The following ZNF646 variants were observed in gnomAD, a reference collection of about 807,000 sequenced individuals.
ZNF646 encodes zinc finger protein 646.
ZNF646 carries 49 observed loss-of-function variants against 115.4 expected under a neutral mutation model. The ratio of observed to expected loss-of-function variants is 0.42; its 90% confidence interval spans 0.34 to 0.54. The LOEUF (loss-of-function observed/expected upper bound fraction) is 0.54, where lower values mean the gene tolerates loss of function less well. ZNF646 is among the 20% of genes least tolerant of loss of function. ZNF646 has a pLI of 0.04. For missense variants in ZNF646, 2,269 were observed against 2,457.9 expected (o/e 0.92, Z 1.62); for synonymous variants, 933 against 939.0 (o/e 0.99, Z 0.12).
chr16:31,083,859 T>TCCCA lies in ZNF646; in HGVS notation c.*770_*771insACCC. 1.9e-6 allele frequency: 3 copies of TCCCA among 1,590,056 alleles called. No homozygotes were observed. The highest frequency in any genetic ancestry group is 2.6e-6 in the Non-Finnish European group (3 of 1,161,332). Reference sequence around the variant, plus strand: ...GTTGTCCTCATCCTCACGGCTTTGGTCCCTCCCTCCCTCCCCATTCCTCGA... The same window carrying TCCCA: ...GTTGTCCTCATCCTCACGGCTTTGGTCCCACCCTCCCTCCCTCCCCATTCCTCGA... On this transcript the variant is annotated 3_prime_UTR_variant, in exon 3 of 3. Coordinates refer to ENST00000300850, the MANE Select transcript of ZNF646 (RefSeq NM_014699.4).
chr16:31,080,179 G>A lies in ZNF646; in HGVS notation c.3855G>A (p.Gly1285=). The change falls in exon 2 of 3, where the codon GGG becomes GGA. Residue 1285 remains glycine, a synonymous_variant. Transcript: ENST00000300850. ...SHQRVHMERR[G]GGGTRKATRE... is the part of the protein sequence containing the mutation. ...AGCGGGTCCACATGGAACGGCGTGG[G>A]GGTGGGGGCACCCGAAAGGCGACTC... The A allele has an allele frequency of 6.2e-7, 1 of 1,610,274 alleles. No individual in the cohort carries two copies. Among genetic ancestry groups the A allele is most frequent in the South Asian group, 1.1e-5 (1 of 90,964 alleles).
Position 31,080,977 on chromosome 16 carries a change from C to G in ZNF646, c.4653C>G (p.Thr1551=), listed in dbSNP as rs2057150284. 6.2e-7 allele frequency: 1 copy of G among 1,613,986 alleles called. No individual in the cohort carries two copies. The highest frequency in any genetic ancestry group is 8.5e-7 in the Non-Finnish European group (1 of 1,180,046). Residue 1551 remains threonine (T), a synonymous_variant, in exon 2 of 3, where the codon ACC becomes ACG. Coordinates refer to ENST00000300850, the MANE Select transcript of ZNF646 (RefSeq NM_014699.4). ...CAGGCAGCCTCTTGAACCACAACAC[C>G]AACAAGACAGACCGACACTATTGCC... ...CQSGSLLNHN[T]NKTDRHYCLL...
Position 31,078,067 on chromosome 16 carries a change from G to T in ZNF646, c.1743G>T (p.Gly581=), listed in dbSNP as rs749361574. 2 of 1,614,232 alleles carry T rather than the reference G, an allele frequency of 1.2e-6. No individual in the cohort carries two copies. The highest frequency in any genetic ancestry group is 2.2e-5 in the South Asian group (2 of 91,084). The change falls in exon 2 of 3, where the codon GGG becomes GGT. Residue 581 remains glycine (G), a synonymous_variant. Coordinates refer to ENST00000300850, the MANE Select transcript of ZNF646 (RefSeq NM_014699.4). Reference sequence around the variant, plus strand: ...CAGCACATATCTGTAGCATCTGTGGGCTGCTCTTTGAAGACGCTGAGAGCC... The same window carrying T: ...CAGCACATATCTGTAGCATCTGTGGTCTGCTCTTTGAAGACGCTGAGAGCC... ...KTAAHICSIC[G]LLFEDAESLE... is the part of the protein sequence containing the mutation.
rs1373054415 is a variant in ZNF646 at position 31,076,674 on chromosome 16, T to G, written c.350T>G (p.Leu117Arg). ...PPRPKEATPH[L>R]QGETVSTDSW... The stretch of plus-strand genomic sequence containing the variant: ...CGCCCCAAGGAAGCCACTCCACACC[T>G]CCAGGGTGAGACGGTGTCCACTGAC... Residue 117 changes from leucine (L) to arginine (R), a missense_variant, in exon 2 of 3, where the codon CTC becomes CGC. Leu to Arg is a moderately radical substitution (Grantham distance 102). This residue lies in a region of ZNF646 where 334 missense variants were observed against 323.5 expected (regional missense o/e 1.03). Coordinates refer to ENST00000300850, the MANE Select transcript of ZNF646 (RefSeq NM_014699.4). 7.4e-6 allele frequency: 12 copies of G among 1,613,066 alleles called. No individual in the cohort carries two copies. Among genetic ancestry groups the G allele is most frequent in the Non-Finnish European group, 9.3e-6 (11 of 1,179,762 alleles).
In ZNF646 at chr16:31,077,028, AG is replaced by A. The variant is rs1371343061; in HGVS notation, c.706del (p.Glu236SerfsTer46). ...QEPTQSPPAE[E>X]ERRYKCSQCG... Reference sequence around the variant, plus strand: ...CCCACCCAGTCCCCTCCTGCTGAGGAGGAGCGGCGGTACAAATGTAGTCAGT... The same window carrying A: ...CCCACCCAGTCCCCTCCTGCTGAGGAGAGCGGCGGTACAAATGTAGTCAGT... On this transcript the variant is annotated frameshift_variant, in exon 2 of 3. Transcript: ENST00000300850. LOFTEE classifies it high-confidence loss of function. The A allele has an allele frequency of 6.2e-7, 1 of 1,613,954 alleles. No individual in the cohort carries two copies. Among genetic ancestry groups the A allele is most frequent in the East Asian group, 2.2e-5 (1 of 44,848 alleles).
chr16:31,082,902 G>T, intron 2 of ZNF646, 69 bp from the exon 3 acceptor site: 3 of 1,526,468 alleles, frequency 2.0e-6, no homozygotes, highest in Non-Finnish European at 2.6e-6. Context: ...GGCCTGCAGG[G>T]CTGGGAGGGG....
chr16:31,080,725 A>C lies in ZNF646; in HGVS notation c.4401A>C (p.Val1467=), dbSNP rs750724424. 1 of 1,613,682 alleles carries C rather than the reference A, an allele frequency of 6.2e-7. No individual in the cohort carries two copies. The highest frequency in any genetic ancestry group is 8.5e-7 in the Non-Finnish European group (1 of 1,179,974). The part of the protein sequence containing the change: ...WGAGKAGGWP[V]GGGLGNHSGG... Reference sequence around the variant, plus strand: ...CAGGGAAGGCAGGTGGGTGGCCGGTAGGTGGGGGACTGGGGAATCATAGTG... The same window carrying C: ...CAGGGAAGGCAGGTGGGTGGCCGGTCGGTGGGGGACTGGGGAATCATAGTG... The change falls in exon 2 of 3, where the codon GTA becomes GTC. Residue 1467 remains valine, a synonymous_variant. Coordinates refer to ENST00000300850, the MANE Select transcript of ZNF646 (RefSeq NM_014699.4).
chr16:31,076,935 G>T lies in ZNF646; in HGVS notation c.611G>T (p.Ser204Ile). The change falls in exon 2 of 3, where the codon AGC (serine) becomes ATC (isoleucine). Residue 204 changes from serine (S) to isoleucine (I), a missense_variant. This residue lies in a region of ZNF646 where 334 missense variants were observed against 323.5 expected (regional missense o/e 1.03). Coordinates refer to ENST00000300850, the MANE Select transcript of ZNF646 (RefSeq NM_014699.4). The part of the protein sequence containing the change: ...ARAPPLPIPA[S>I]SLLSNLEQYL... ...GCCCCTCCTCTCCCCATCCCAGCCAGCAGCCTTCTTAGCAACTTGGAACAG... is the reference window on the plus strand; with the variant it reads ...GCCCCTCCTCTCCCCATCCCAGCCATCAGCCTTCTTAGCAACTTGGAACAG... The T allele has an allele frequency of 3.1e-6, 5 of 1,614,120 alleles. No individual in the cohort carries two copies. The highest frequency in any genetic ancestry group is 4.2e-6 in the Non-Finnish European group (5 of 1,179,970).
chr16:31,079,395 C>G lies in ZNF646; in HGVS notation c.3071C>G (p.Ser1024Cys). Residue 1024 changes from serine to cysteine, a missense_variant, in exon 2 of 3, where the codon TCT becomes TGT. Transcript: ENST00000300850. The surrounding 1 kb of genome is among the most constrained non-coding windows in gnomAD (Gnocchi z 5.5). ...SVSGEGGDAK[S>C]QEGAGTPLGD... ...TCTGGAGAGGGTGGAGATGCCAAGTCTCAAGAGGGAGCAGGCACCCCCTTG... is the reference window on the plus strand; with the variant it reads ...TCTGGAGAGGGTGGAGATGCCAAGTGTCAAGAGGGAGCAGGCACCCCCTTG... 1 of 1,614,108 alleles carries G rather than the reference C, an allele frequency of 6.2e-7. No homozygotes were observed. The highest frequency in any genetic ancestry group is 2.2e-5 in the East Asian group (1 of 44,886).
At position 31,077,346 on chromosome 16, in the gene ZNF646, G is replaced by A; in HGVS notation, c.1022G>A (p.Ser341Asn). 1 of 1,613,076 alleles carries A rather than the reference G, an allele frequency of 6.2e-7. No homozygotes were observed. Among genetic ancestry groups the A allele is most frequent in the South Asian group, 1.1e-5 (1 of 90,990 alleles). ...ACCAATGGGCACACAGATGAGAGCA[G>A]CCAGGACCAGCTCCCCAGTGCACAG... Reference protein sequence around the residue: ...PTTNGHTDESSQDQLPSAQML... With the variant: ...PTTNGHTDESNQDQLPSAQML... Residue 341 changes from serine (S) to asparagine (N), a missense_variant, in exon 2 of 3, where the codon AGC becomes AAC. Physicochemically the swap from Ser to Asn is conservative, Grantham distance 46. This residue lies in a region of ZNF646 where 852 missense variants were observed against 900.2 expected (regional missense o/e 0.95). Coordinates refer to ENST00000300850, the MANE Select transcript of ZNF646 (RefSeq NM_014699.4).
chr16:31,083,121 G>A lies in ZNF646; in HGVS notation c.*29G>A. The A allele has an allele frequency of 1.3e-6, 2 of 1,596,812 alleles. No homozygotes were observed. The highest frequency in any genetic ancestry group is 1.7e-6 in the Non-Finnish European group (2 of 1,173,680). ...TCAAGTCTCCAAAGATCAGAATCTG[G>A]GGGAGGGAGCGCGTGCAGGGAGGGG... On this transcript the variant is annotated 3_prime_UTR_variant, in exon 3 of 3. Coordinates refer to ENST00000300850, the MANE Select transcript of ZNF646 (RefSeq NM_014699.4).
In ZNF646 at chr16:31,078,796, T is replaced by G. The variant is rs761469155; in HGVS notation, c.2472T>G (p.Ser824=). ...AGGCTGGGGCCGCTCACACATGCTC[T>G]GACTGTGGGCATTCTTTCCCCCATG... The part of the protein sequence containing the change: ...GWQAGAAHTC[S]DCGHSFPHAT... Residue 824 remains serine (S), a synonymous_variant, in exon 2 of 3, where the codon TCT becomes TCG. Transcript: ENST00000300850. 9.2e-5 allele frequency: 149 copies of G among 1,613,916 alleles called. 1 individual carries two copies. In the Middle Eastern group the frequency reaches 1.3e-3, roughly 14 times the overall value.
upstream of ZNF646, chr16:31,073,997 CAAAA>C (rs2057042417): frequency 6.6e-6 from 1 of 152,192 alleles, no homozygotes; most frequent in Non-Finnish European, 1.5e-5. Context: ...GGTGGGAGGA[CAAAA>C]AGGCCATGCT....
rs763378805 is a variant in ZNF646 at position 31,080,122 on chromosome 16, C to T, written c.3798C>T (p.Ala1266=). 18 of 1,612,892 alleles carry T rather than the reference C, an allele frequency of 1.1e-5. 1 individual carries two copies. The highest frequency in any genetic ancestry group is 5.0e-5 in the Admixed American group (3 of 59,988). ...TCCGCTGCAGCGAGTGTGGGAAGGCCTTCCGCCTGCGGAAACAGCTGGCCA... is the reference window on the plus strand; with the variant it reads ...TCCGCTGCAGCGAGTGTGGGAAGGCTTTCCGCCTGCGGAAACAGCTGGCCA... ...RRFRCSECGK[A]FRLRKQLASH... The change falls in exon 2 of 3, where the codon GCC becomes GCT. Residue 1266 remains alanine (A), a synonymous_variant. Transcript: ENST00000300850.
intron 1 of ZNF646, 86 bp from the exon 2 acceptor site, chr16:31,076,160 G>A: frequency 3.4e-6 from 3 of 887,358 alleles, no homozygotes; most frequent in Admixed American, 6.3e-5. Context: ...GAACCTCTCA[G>A]TGACCTCAGG....
Position 31,076,896 on chromosome 16 carries a change from C to T in ZNF646, c.572C>T (p.Thr191Ile). Reference sequence around the variant, plus strand: ...GGTGCAGACGGCTGGGGACCCTCCACTAACTCTGCCAGAGCCCCTCCTCTC... The same window carrying T: ...GGTGCAGACGGCTGGGGACCCTCCATTAACTCTGCCAGAGCCCCTCCTCTC... ...EDGADGWGPSTNSARAPPLPI... is the reference protein window; with the variant it reads ...EDGADGWGPSINSARAPPLPI... Residue 191 changes from threonine to isoleucine, a missense_variant, in exon 2 of 3, where the codon ACT becomes ATT. Around this residue, in one of 5 missense-constraint regions of ZNF646, gnomAD observed 334 missense variants for 323.5 expected, o/e 1.03. Coordinates refer to ENST00000300850, the MANE Select transcript of ZNF646 (RefSeq NM_014699.4). 6.2e-7 allele frequency: 1 copy of T among 1,614,162 alleles called. No individual in the cohort carries two copies. Among genetic ancestry groups the T allele is most frequent in the Non-Finnish European group, 8.5e-7 (1 of 1,180,022 alleles).
In ZNF646 at chr16:31,081,749, G is replaced by T. The variant is rs2057162874; in HGVS notation, c.5377+48G>T. ...GGAGGAGGTGGGCACACAGTGGAGG[G>T]GGAAGTCCAGCCCCAAAGTCGGTGG... On this transcript the variant is annotated intron_variant, in intron 2 of 2. Coordinates refer to ENST00000300850, the MANE Select transcript of ZNF646 (RefSeq NM_014699.4). The T allele has an allele frequency of 3.3e-6, 5 of 1,507,274 alleles. No individual in the cohort carries two copies. The South Asian group carries it at 6.6e-5, about 20-fold the overall frequency. The allele number at this position is 1,507,274 out of a possible 1,614,324, so 93.4% of individuals were successfully genotyped here.
intron 1 of ZNF646, among the ~76,000 whole-genome samples, chr16:31,075,190 G>A (rs935486312): frequency 1.2e-4 from 19 of 152,186 alleles, no homozygotes; most frequent in African/African-American, 3.4e-4. Flanking sequence ...GGAGAGAAAA[G>A]GTAGGCAATG....
Position 31,077,731 on chromosome 16 carries a change from G to A in ZNF646, c.1407G>A (p.Glu469=), listed in dbSNP as rs1442846839. ...TLDHRPYKCS[E]CGRAYRHRGS... is the part of the protein sequence containing the mutation. ...ACCATCGGCCCTATAAGTGCAGTGA[G>A]TGTGGTCGTGCTTACCGCCACCGGG... The change falls in exon 2 of 3, where the codon GAG becomes GAA. Residue 469 remains glutamate, a synonymous_variant. Transcript: ENST00000300850. The A allele has an allele frequency of 2.8e-5, 45 of 1,613,974 alleles. 1 individual carries two copies. Among genetic ancestry groups the A allele is most frequent in the East Asian group, 4.5e-5 (2 of 44,896 alleles).
Sources: allele counts gnomAD v4.1 joint callset (sites outside exome capture counted in the v4.1 genomes callset), GRCh38; gene constraint gnomAD v4.1.1; regional missense constraint gnomAD v4.1.1; non-coding constraint Gnocchi (gnomAD v3.1); transcripts MANE v1.5; gene names NCBI Gene and HGNC (gene_info 2026-07-23, HGNC 2026-07-21).